PREX2: variants seen among roughly 807,000 people sequenced by gnomAD.
PREX2 encodes the protein phosphatidylinositol-3,4,5-trisphosphate dependent Rac exchange factor 2.
Under a neutral mutation model 203.2 loss-of-function variants are expected in PREX2, and 107 were observed. The ratio of observed to expected loss-of-function variants is 0.53; its 90% CI spans 0.45 to 0.62. The LOEUF (loss-of-function observed/expected upper bound fraction) is 0.62. PREX2 is among the 20% of genes least tolerant of loss of function. The pLI is 0.00. For synonymous variants in PREX2, 672 were observed against 663.6 expected (o/e 1.01, Z -0.19); for missense variants, 1,777 against 1,955.9 (o/e 0.91, Z 1.72).
At position 68,108,165 on chromosome 8, in the gene PREX2, A is replaced by G; in HGVS notation, c.2772A>G (p.Lys924=). The part of the protein sequence containing the change: ...AWPTFKQAKS[K]ISPLHSSDFC... The stretch of plus-strand genomic sequence containing the variant: ...CTACTTTTAAACAGGCCAAATCTAA[A>G]ATCTCCCCACTGCACAGCAGTGATT... Residue 924 remains lysine, a synonymous_variant, in exon 24 of 40, where the codon AAA becomes AAG. Transcript: ENST00000288368. 1 of 1,613,934 alleles carries G rather than the reference A, an allele frequency of 6.2e-7. No individual in the cohort carries two copies. Among genetic ancestry groups the G allele is most frequent in the Non-Finnish European group, 8.5e-7 (1 of 1,179,922 alleles).
In PREX2 at chr8:68,071,752, T is replaced by C. The variant is rs985542938; in HGVS notation, c.1494-743T>C. 5.9e-5 allele frequency among the ~76,000 whole-genome samples: 9 copies of C among 152,260 alleles called. No homozygotes were observed. In the South Asian group the frequency reaches 1.2e-3, roughly 21 times the overall value. On this transcript the variant is annotated intron_variant, in intron 13 of 39. Coordinates refer to ENST00000288368, the MANE Select transcript of PREX2 (RefSeq NM_024870.4). ...TGGGGATGTAGTATCACTATGTCCA[T>C]GATCTAATCAGGCAAAAAGAATAAC...
chr8:68,090,468 C>A (rs1458927882), intron 19 of PREX2, 111 bp from the exon 20 acceptor site: 1 of 924,800 alleles, frequency 1.1e-6, no homozygotes, highest in Non-Finnish European at 1.6e-6. Context: ...CAAGATTATA[C>A]TAGCTAGACT....
intron 1 of PREX2, among the ~76,000 whole-genome samples, chr8:67,989,882 A>G (rs1806546833): frequency 6.6e-6 from 1 of 152,242 alleles, no homozygotes; most frequent in South Asian, 2.1e-4. Context: ...ATAGATTCAA[A>G]ATGCAGGCAT....
At chr8:67,998,430 CT>C (rs538672301) in intron 1 of PREX2, among the ~76,000 whole-genome samples, 87 of 152,172 alleles carry the variant, frequency 5.7e-4, no homozygotes, top group Non-Finnish European at 1.1e-3. Context: ...GTAAGCTTGG[CT>C]TATATCTAGG....
chr8:68,058,122 G>A (rs904344676), intron 10 of PREX2, among the ~76,000 whole-genome samples: 2 of 152,160 alleles, frequency 1.3e-5, no homozygotes, highest in African/African-American at 4.8e-5. Flanking sequence ...GCAGAGTGTT[G>A]ATGGAATTTC....
Position 68,099,693 on chromosome 8 carries a change from C to T in PREX2, c.2565C>T (p.Ala855=). 1.2e-6 allele frequency: 2 copies of T among 1,612,946 alleles called. No individual in the cohort carries two copies. Among genetic ancestry groups the T allele is most frequent in the East Asian group, 2.2e-5 (1 of 44,850 alleles). Residue 855 remains alanine, a synonymous_variant, in exon 23 of 40, where the codon GCC becomes GCT. Transcript: ENST00000288368. Reference sequence around the variant, plus strand: ...GTTTGTCATTGCAGATTCTTGAAGCCCTGGCTAAAAGTGATGAGCATTTTG... The same window carrying T: ...GTTTGTCATTGCAGATTCTTGAAGCTCTGGCTAAAAGTGATGAGCATTTTG... ...FFSLTAKILE[A]LAKSDEHFVQ...
At chr8:67,973,027 C>T (rs749851657) in intron 1 of PREX2, among the ~76,000 whole-genome samples, 3 of 152,158 alleles carry the variant, frequency 2.0e-5, no homozygotes, top group South Asian at 4.2e-4. Flanking sequence ...TCAGTGTCAT[C>T]TTTGTCTCCA....
intron 1 of PREX2, among the ~76,000 whole-genome samples, chr8:67,954,581 A>T (rs950241204): frequency 2.0e-5 from 3 of 152,204 alleles, no homozygotes; most frequent in African/African-American, 7.2e-5. Flanking sequence ...ATGATCAGAG[A>T]TGGAAACAAG....
intron 11 of PREX2, among the ~76,000 whole-genome samples, chr8:68,062,876 C>T (rs981527328): frequency 3.3e-5 from 5 of 152,038 alleles, no homozygotes; most frequent in African/African-American, 9.7e-5. Context: ...AAAATATAAG[C>T]ACCATCCAAA....
At position 68,031,405 on chromosome 8, in the gene PREX2, G is replaced by A. The variant is rs1286859678; in HGVS notation, c.705+747G>A. On this transcript the variant is annotated intron_variant, in intron 6 of 39. Transcript: ENST00000288368. ...AGTAAGCAATTAAGATAATTTTTAA[G>A]TGTAGGAAAGATTGAAAATGCTCCT... Among the ~76,000 whole-genome samples the A allele has an allele frequency of 7.2e-5, 11 of 152,120 alleles. 1 individual carries two copies. The highest frequency in any genetic ancestry group is 7.2e-4 in the Admixed American group (11 of 15,268).
intron 1 of PREX2, among the ~76,000 whole-genome samples, chr8:67,955,935 GC>G (rs1188662486): frequency 6.6e-6 from 1 of 152,184 alleles, no homozygotes; most frequent in Non-Finnish European, 1.5e-5. Flanking sequence ...TGTGGTACCT[GC>G]CTTTAAAACA....
At chr8:68,013,578 T>G (rs1470791191) in intron 1 of PREX2, among the ~76,000 whole-genome samples, 1 of 152,186 alleles carries the variant, frequency 6.6e-6, no homozygotes, top group African/African-American at 2.4e-5. Context: ...TTCTTTCATT[T>G]ATTAGGACCA....
At chr8:68,105,408 A>G (rs1810380954) in intron 23 of PREX2, 1 of 1,287,714 alleles carries the variant, frequency 7.8e-7, no homozygotes, top group Non-Finnish European at 1.0e-6. Flanking sequence ...CACAGTACAC[A>G]GCCCTTCCTA....
intron 35 of PREX2, among the ~76,000 whole-genome samples, chr8:68,186,461 A>G (rs1006554450): frequency 6.6e-6 from 1 of 152,218 alleles, no homozygotes; most frequent in Non-Finnish European, 1.5e-5. Context: ...AAAAAAGCTT[A>G]AGAAACACTG....
intron 35 of PREX2, among the ~76,000 whole-genome samples, chr8:68,191,517 C>G (rs374463982): frequency 6.6e-6 from 1 of 152,164 alleles, no homozygotes; most frequent in Non-Finnish European, 1.5e-5. Context: ...CAAGACCACA[C>G]AGTTTCTAAT....
chr8:68,101,300 T>A (rs1180959522), intron 23 of PREX2: 2 of 514,104 alleles, frequency 3.9e-6, no homozygotes, highest in Non-Finnish European at 7.8e-6. Flanking sequence ...ACTAAATGAG[T>A]CAAGGGAAAA....
intron 37 of PREX2, among the ~76,000 whole-genome samples, chr8:68,207,413 T>C (rs2129615041): frequency 6.6e-6 from 1 of 152,188 alleles, no homozygotes; most frequent in African/African-American, 2.4e-5. Context: ...AATAAATAAA[T>C]CTAGTCTTTT....
chr8:67,994,888 G>A (rs1372930856), intron 1 of PREX2, among the ~76,000 whole-genome samples: 1 of 152,124 alleles, frequency 6.6e-6, no homozygotes, highest in Non-Finnish European at 1.5e-5. Flanking sequence ...AGGAGGCAGG[G>A]GTTAGATCCT....
Position 68,146,735 on chromosome 8 carries a change from A to G in PREX2, c.4231+383A>G, listed in dbSNP as rs1035888361. ...AAACAGAATTTATACTTTAGTCTCAATTATATCACACATGTATGTCTATAC... is the reference window on the plus strand; with the variant it reads ...AAACAGAATTTATACTTTAGTCTCAGTTATATCACACATGTATGTCTATAC... On this transcript the variant is annotated intron_variant, in intron 34 of 39. Coordinates refer to ENST00000288368, the MANE Select transcript of PREX2 (RefSeq NM_024870.4). Among the ~76,000 whole-genome samples, 4 of 152,164 alleles carry G rather than the reference A, an allele frequency of 2.6e-5. No homozygotes were observed. The East Asian group carries it at 5.8e-4, about 22-fold the overall frequency.
Sources: gnomAD v4.1 joint callset for allele counts (sites outside exome capture counted in the v4.1 genomes callset) on GRCh38, gnomAD v4.1.1 for gene constraint, MANE v1.5 for transcripts, NCBI Gene and HGNC (gene_info 2026-07-23, HGNC 2026-07-21) for gene names.